TRPM3: variants seen among roughly 807,000 people sequenced by gnomAD.
The protein encoded by TRPM3 is long transient receptor potential channel 3.
Under a neutral mutation model 181.2 loss-of-function variants are expected in TRPM3, and 77 were observed. The ratio of observed to expected loss-of-function variants is 0.42; its 90% CI spans 0.35 to 0.51. TRPM3 has a LOEUF of 0.51. TRPM3 is among the 20% of genes least tolerant of loss of function. The pLI is 0.01. For synonymous variants in TRPM3, 745 were observed against 796.4 expected (o/e 0.94, Z 1.09); for missense variants, 1,759 against 2,196.7 (o/e 0.80, Z 3.98).
intron 1 of TRPM3, among the ~76,000 whole-genome samples, chr9:71,139,852 C>A (rs1327510016): frequency 3.3e-5 from 5 of 152,140 alleles, no homozygotes; most frequent in Non-Finnish European, 7.4e-5. Context: ...ATGCCTGTTT[C>A]CAAGTATCCT....
chr9:70,634,702 G>C (rs1445135251), intron 12 of TRPM3, among the ~76,000 whole-genome samples: 1 of 152,108 alleles, frequency 6.6e-6, no homozygotes, highest in Admixed American at 6.5e-5. Context: ...GATGAAAAGT[G>C]TGAAAAAATA....
intron 1 of TRPM3, among the ~76,000 whole-genome samples, chr9:71,106,465 C>A (rs1220034577): frequency 6.6e-6 from 1 of 152,106 alleles, no homozygotes; most frequent in African/African-American, 2.4e-5. Flanking sequence ...TGCTCCCTCT[C>A]TTTCCTTTGA....
rs139121835 is a variant in TRPM3 at position 71,276,686 on chromosome 9, G to T, written c.183+169967C>A. 4.6e-5 allele frequency among the ~76,000 whole-genome samples: 7 copies of T among 152,262 alleles called. No individual in the cohort carries two copies. The East Asian group carries it at 1.4e-3, about 29-fold the overall frequency. On this transcript the variant is annotated intron_variant, in intron 1 of 24. Coordinates refer to the TRPM3 transcript ENST00000357533. ...CAATGCCATTAATAGAGAGCAAAGA[G>T]GGTGTTCATCCATTAAAAGCAGATA...
At chr9:70,944,659 G>A (rs560690760) in intron 1 of TRPM3, among the ~76,000 whole-genome samples, 2 of 152,150 alleles carry the variant, frequency 1.3e-5, no homozygotes, top group African/African-American at 2.4e-5. Context: ...GCTTACACCA[G>A]GAGATACTTG....
At position 70,586,072 on chromosome 9, in the gene TRPM3, T is replaced by C. The variant is rs528471302; in HGVS notation, c.3223+4959A>G. Among the ~76,000 whole-genome samples the C allele has an allele frequency of 5.3e-5, 8 of 152,304 alleles. No individual in the cohort carries two copies. The South Asian group carries it at 1.4e-3, about 28-fold the overall frequency. ...CTCATCTTCCTGAAACATCAGCTCA[T>C]ATCGAGCGGCTCAGCTCAACCCTCC... On this transcript the variant is annotated intron_variant, in intron 22 of 25. Transcript: ENST00000677713.
intron 1 of TRPM3, among the ~76,000 whole-genome samples, chr9:70,903,295 T>C (rs1024212229): frequency 1.3e-5 from 2 of 152,210 alleles, no homozygotes; most frequent in Non-Finnish European, 2.9e-5. Flanking sequence ...ATCTGAGCTT[T>C]CCTGACTGTG....
intron 1 of TRPM3, among the ~76,000 whole-genome samples, chr9:71,188,381 GT>G (rs2077812527): frequency 1.3e-5 from 2 of 151,900 alleles, no homozygotes; most frequent in South Asian, 2.1e-4. Context: ...CATTTTTAGA[GT>G]TGCCATCCAT....
At position 70,589,843 on chromosome 9, in the gene TRPM3, G is replaced by T. The variant is rs547437358; in HGVS notation, c.3223+1188C>A. On this transcript the variant is annotated intron_variant, in intron 22 of 25. Transcript: ENST00000677713. ...AATAAATGACGTACCGGTGTGTTCT[G>T]TTGCCAACGTACACATCCTCTTCAC... Among the ~76,000 whole-genome samples the T allele has an allele frequency of 4.6e-4, 70 of 152,306 alleles. 1 individual carries two copies. The South Asian group carries it at 0.014, about 30-fold the overall frequency.
chr9:70,744,588 AT>A (rs2074801586), intron 8 of TRPM3, among the ~76,000 whole-genome samples: 1 of 152,110 alleles, frequency 6.6e-6, no homozygotes, highest in Non-Finnish European at 1.5e-5. Flanking sequence ...TGTAAATTAC[AT>A]TTTCTTGATA....
At chr9:71,318,584 A>T (rs1037987046) in intron 1 of TRPM3, among the ~76,000 whole-genome samples, 2 of 152,160 alleles carry the variant, frequency 1.3e-5, no homozygotes, top group African/African-American at 2.4e-5. Flanking sequence ...GGGAACTAAC[A>T]ATCTGTAACC....
chr9:70,921,978 T>C (rs904052957), intron 1 of TRPM3, among the ~76,000 whole-genome samples: 11 of 100,142 alleles, frequency 1.1e-4, no homozygotes, highest in South Asian at 2.9e-4. Context: ...CACACACATA[T>C]AGTTATTTTT....
intron 18 of TRPM3, 87 bp downstream of exon 18, chr9:70,615,821 A>G: frequency 7.4e-7 from 1 of 1,348,682 alleles, no homozygotes. Flanking sequence ...TGTCTGACCT[A>G]AGGAGTTACT....
chr9:70,672,116 C>T (rs1412453807), intron 9 of TRPM3, among the ~76,000 whole-genome samples: 1 of 152,048 alleles, frequency 6.6e-6, no homozygotes, highest in African/African-American at 2.4e-5. Context: ...TTCCCCCTCT[C>T]CTGGTTTTAG....
At chr9:71,003,661 T>C (rs963622521) in intron 1 of TRPM3, among the ~76,000 whole-genome samples, 2 of 152,128 alleles carry the variant, frequency 1.3e-5, no homozygotes, top group African/African-American at 4.8e-5. Context: ...TCAGTGTAGG[T>C]TGATTTATGC....
At chr9:71,147,025 G>T (rs2075447855) in intron 1 of TRPM3, among the ~76,000 whole-genome samples, 1 of 152,122 alleles carries the variant, frequency 6.6e-6, no homozygotes, top group African/African-American at 2.4e-5. Context: ...CCAAGTAGGG[G>T]CTAGCCGAAC....
At chr9:71,052,697 C>G (rs1397575703) in intron 1 of TRPM3, among the ~76,000 whole-genome samples, 1 of 152,074 alleles carries the variant, frequency 6.6e-6, no homozygotes, top group Non-Finnish European at 1.5e-5. Flanking sequence ...CTCTAGGTAT[C>G]ATTCCAAAAC....
At chr9:70,998,456 C>G (rs1279241301) in intron 1 of TRPM3, among the ~76,000 whole-genome samples, 1 of 151,972 alleles carries the variant, frequency 6.6e-6, no homozygotes, top group East Asian at 1.9e-4. Context: ...ATGAACACCC[C>G]CTGAGGGAGG....
intron 1 of TRPM3, among the ~76,000 whole-genome samples, chr9:71,103,755 T>C (rs1356875478): frequency 6.6e-6 from 1 of 152,208 alleles, no homozygotes; most frequent in Non-Finnish European, 1.5e-5. Context: ...CAGCATGCAG[T>C]ATGGCATCTC....
intron 7 of TRPM3, among the ~76,000 whole-genome samples, chr9:70,772,985 G>A (rs1367852890): frequency 6.6e-6 from 1 of 151,936 alleles, no homozygotes; most frequent in Non-Finnish European, 1.5e-5. Flanking sequence ...CCATATAAAA[G>A]ACAGAATCCG....
Sources: gnomAD v4.1 joint callset for allele counts (sites outside exome capture counted in the v4.1 genomes callset) on GRCh38, gnomAD v4.1.1 for gene constraint, MANE v1.5 for transcripts, NCBI Gene and HGNC (gene_info 2026-07-23, HGNC 2026-07-21) for gene names.